The following STX12 variants were observed in gnomAD, a reference collection of about 807,000 sequenced individuals.
STX12 encodes the protein syntaxin-12.
Under a neutral mutation model 42.2 loss-of-function variants are expected in STX12, and 17 were observed. The observed-to-expected ratio is 0.40, with a 90% CI of 0.28 to 0.60. The LOEUF is 0.60. Among genes scored for constraint, STX12 ranks in the 20% least tolerant of loss-of-function variants. The probability of loss-of-function intolerance (pLI) is 0.39; values close to 1 mark genes in which losing one functional copy is unlikely to be tolerated. For synonymous variants in STX12, 108 were observed against 116.7 expected (o/e 0.93, Z 0.48); for missense variants, 297 against 330.9 (o/e 0.90, Z 0.79).
intron 6 of STX12, among the ~76,000 whole-genome samples, chr1:27,816,687 A>C (rs999906601): frequency 3.3e-5 from 5 of 150,956 alleles, no homozygotes; most frequent in Admixed American, 1.3e-4. Flanking sequence ...TGGGAGGCCA[A>C]GGCAGTGGAT....
At chr1:27,794,214 A>G (rs2088769281) in intron 3 of STX12, among the ~76,000 whole-genome samples, 1 of 151,952 alleles carries the variant, frequency 6.6e-6, no homozygotes, top group East Asian at 1.9e-4. Context: ...TTTTGTACAG[A>G]CATGGTCTTG....
chr1:27,773,617 C>G (rs1368517840), intron 1 of STX12, among the ~76,000 whole-genome samples, 192 bp downstream of exon 1: 1 of 152,176 alleles, frequency 6.6e-6, no homozygotes, highest in African/African-American at 2.4e-5. Flanking sequence ...GGTCCCCGGC[C>G]CCAGCTGAAG....
chr1:27,789,744 G>T, intron 2 of STX12, 113 bp downstream of exon 2: 1 of 727,558 alleles, frequency 1.4e-6, no homozygotes, highest in Non-Finnish European at 2.4e-6. Context: ...AGAGGCAGTG[G>T]GTCATGAGAT....
chr1:27,774,727 A>G (rs1208252896), intron 1 of STX12, among the ~76,000 whole-genome samples: 6 of 152,032 alleles, frequency 3.9e-5, no homozygotes, highest in Admixed American at 3.9e-4. Flanking sequence ...TCACCCAGGC[A>G]GAATGCAGTG....
In STX12 at chr1:27,773,222, A is replaced by G; in HGVS notation, c.-86A>G. 1 of 863,732 alleles carries G rather than the reference A, an allele frequency of 1.2e-6. No homozygotes were observed. The highest frequency in any genetic ancestry group is 1.9e-6 in the Non-Finnish European group (1 of 538,628). The allele number at this position is 863,732 out of a possible 1,614,324, so 53.5% of individuals were successfully genotyped here. A position where few individuals can be genotyped will look rare whatever the true frequency, so the allele number is the denominator to read the frequency against. Reference sequence around the variant, plus strand: ...CTCCTTCCCCGCCCTTGCTCTTCCCAGTTTCTCCGTCAGCCTGCGGGTCCC... The same window carrying G: ...CTCCTTCCCCGCCCTTGCTCTTCCCGGTTTCTCCGTCAGCCTGCGGGTCCC... On this transcript the variant is annotated 5_prime_UTR_variant, in exon 1 of 9. Coordinates refer to ENST00000373943, the MANE Select transcript of STX12 (RefSeq NM_177424.3).
rs1412739485 is a variant in STX12, at chr1:27,810,342, C to T, written c.470+53C>T. On this transcript the variant is annotated intron_variant, in intron 5 of 8. Coordinates refer to ENST00000373943, the MANE Select transcript of STX12 (RefSeq NM_177424.3). ...GGATAGTTGAGATGGGAATCTATCT[C>T]GTTATATTTTAATTTTAAAAATCAA... The T allele has an allele frequency of 4.0e-6, 6 of 1,493,990 alleles. No individual in the cohort carries two copies. In the African/African-American group the frequency reaches 4.2e-5, roughly 10 times the overall value. 92.5% of individuals were successfully genotyped at this position (1,493,990 alleles called of 1,614,324 possible).
At chr1:27,796,268 C>T (rs138625221) in intron 3 of STX12, among the ~76,000 whole-genome samples, 6 of 152,236 alleles carry the variant, frequency 3.9e-5, no homozygotes, top group East Asian at 1.9e-4. Flanking sequence ...CCCCATCACC[C>T]GTCTTTTCAT....
intron 1 of STX12, 61 bp from the exon 2 acceptor site, chr1:27,789,500 TA>T: frequency 8.1e-7 from 1 of 1,239,242 alleles, no homozygotes; most frequent in Non-Finnish European, 1.2e-6. Context: ...ATCTTAGAAG[TA>T]GGGTACTCAT....
intron 2 of STX12, among the ~76,000 whole-genome samples, chr1:27,790,131 A>G (rs1268303326): frequency 1.3e-5 from 2 of 152,234 alleles, no homozygotes. Context: ...TACTGAAACA[A>G]TATAGTAGAA....
chr1:27,812,206 G>A lies in STX12; in HGVS notation c.514G>A (p.Ala172Thr). The A allele has an allele frequency of 2.6e-6, 4 of 1,561,728 alleles. No homozygotes were observed. Among genetic ancestry groups the A allele is most frequent in the Non-Finnish European group, 3.5e-6 (4 of 1,152,126 alleles). The change falls in exon 6 of 9, where the codon GCC (alanine) becomes ACC (threonine). Residue 172 changes from alanine to threonine, a missense_variant. Coordinates refer to ENST00000373943, the MANE Select transcript of STX12 (RefSeq NM_177424.3). ...GATGCAGAGCCAGGAGGATGAGGTG[G>A]CCATCACTGAGCAGGATTTGGAACT... ...NQMQSQEDEV[A>T]ITEQDLELIK...
intron 3 of STX12, among the ~76,000 whole-genome samples, chr1:27,801,086 T>A (rs761551025): frequency 3.5e-4 from 53 of 152,152 alleles, no homozygotes; most frequent in Admixed American, 1.7e-3. Context: ...GAATTGCAGT[T>A]CTTTGGAGAT....
In STX12 at chr1:27,811,469, C is replaced by T. The variant is rs777260059; in HGVS notation, c.471-694C>T. ...AAGAATTTTTTAAAAAGTGTTATAA[C>T]ATTTCACTAGCTTTCTGTTAAGAGG... On this transcript the variant is annotated intron_variant, in intron 5 of 8. Transcript: ENST00000373943. Among the ~76,000 whole-genome samples, 4 of 152,006 alleles carry T rather than the reference C, an allele frequency of 2.6e-5. No homozygotes were observed. The South Asian group carries it at 8.3e-4, about 32-fold the overall frequency.
chr1:27,781,689 T>C (rs902051627), intron 1 of STX12, among the ~76,000 whole-genome samples: 5 of 152,104 alleles, frequency 3.3e-5, no homozygotes, highest in African/African-American at 1.2e-4. Flanking sequence ...ATATTATATA[T>C]TCTTTAATTA....
intron 1 of STX12, among the ~76,000 whole-genome samples, chr1:27,780,837 A>G (rs1275673638): frequency 6.6e-6 from 1 of 151,752 alleles, no homozygotes; most frequent in Non-Finnish European, 1.5e-5. Context: ...CTGTAGTCCC[A>G]GCTACTTGGG....
intron 1 of STX12, among the ~76,000 whole-genome samples, chr1:27,777,357 A>G (rs1337702564): frequency 6.6e-6 from 1 of 152,214 alleles, no homozygotes; most frequent in African/African-American, 2.4e-5. Flanking sequence ...GATGTGTTCA[A>G]AGAAGAGCAA....
At chr1:27,808,339 A>T (rs963107379) in intron 4 of STX12, among the ~76,000 whole-genome samples, 7 of 145,782 alleles carry the variant, frequency 4.8e-5, no homozygotes, top group Non-Finnish European at 8.9e-5. Context: ...TTATTTATTT[A>T]TTTATTTATT....
intron 6 of STX12, among the ~76,000 whole-genome samples, chr1:27,812,567 G>A (rs1486798288): frequency 2.6e-5 from 4 of 151,844 alleles, no homozygotes; most frequent in Non-Finnish European, 5.9e-5. Context: ...TCAGACTCTC[G>A]AGTAGCTGGG....
chr1:27,807,333 C>T (rs1451934254), intron 4 of STX12, among the ~76,000 whole-genome samples: 1 of 152,100 alleles, frequency 6.6e-6, no homozygotes, highest in Non-Finnish European at 1.5e-5. Flanking sequence ...CATTAACCAT[C>T]CCCACTTCCC....
At chr1:27,787,821 C>T (rs532638488) in intron 1 of STX12, among the ~76,000 whole-genome samples, 65 of 152,150 alleles carry the variant, frequency 4.3e-4, no homozygotes, top group Non-Finnish European at 7.1e-4. Context: ...AGTACCATTA[C>T]CAAAAAGTAA....
Sources: allele counts gnomAD v4.1 joint callset (sites outside exome capture counted in the v4.1 genomes callset), GRCh38; gene constraint gnomAD v4.1.1; transcripts MANE v1.5; gene names NCBI Gene and HGNC (gene_info 2026-07-23, HGNC 2026-07-21).